EIF3A: variants seen among roughly 807,000 people sequenced by gnomAD.
EIF3A encodes the protein eukaryotic translation initiation factor 3 subunit A.
EIF3A carries 21 observed loss-of-function variants against 186.6 expected under a neutral mutation model. The ratio of observed to expected loss-of-function variants is 0.11; its 90% CI spans 0.08 to 0.16. The LOEUF (loss-of-function observed/expected upper bound fraction) is 0.16, where lower values mean the gene tolerates loss of function less well. Among genes scored for constraint, EIF3A ranks in the 10% least tolerant of loss-of-function variants. EIF3A has a pLI of 1.00. For synonymous variants in EIF3A, 563 were observed against 584.3 expected, an observed-to-expected ratio of 0.96 and a Z score of 0.52; for missense variants, 1,306 against 1,796.3, an observed-to-expected ratio of 0.73 and a Z score of 4.93.
At position 119,056,701 on chromosome 10, in the gene EIF3A, T is replaced by C. The variant is rs1480742545; in HGVS notation, c.2196+39A>G. ...GTTCCATTACTGGCAGAGGATTTTA[T>C]TACAATCTAAAAATATTACAATTAA... On this transcript the variant is annotated intron_variant, in intron 14 of 21. Transcript: ENST00000369144. 3.8e-6 allele frequency: 5 copies of C among 1,324,632 alleles called. 1 individual carries two copies. The South Asian group carries it at 4.9e-5, about 13-fold the overall frequency. The allele number at this position is 1,324,632 out of a possible 1,614,324, so 82.1% of individuals were successfully genotyped here.
intron 4 of EIF3A, among the ~76,000 whole-genome samples, chr10:119,071,495 T>G (rs1844069753): frequency 6.6e-6 from 1 of 152,154 alleles, no homozygotes; most frequent in African/African-American, 2.4e-5. Flanking sequence ...TAATACAAAT[T>G]GAGGGCTTAT....
intron 10 of EIF3A, 25 bp from the exon 11 acceptor site, chr10:119,059,422 T>C: frequency 6.6e-7 from 1 of 1,504,642 alleles, no homozygotes; most frequent in East Asian, 2.3e-5. Flanking sequence ...TTATCAATGG[T>C]TAAATCCACA....
chr10:119,072,788 T>TCACA (rs1844099657), intron 4 of EIF3A, 102 bp downstream of exon 4: 19 of 1,390,830 alleles, frequency 1.4e-5, no homozygotes, highest in Non-Finnish European at 1.7e-5. Flanking sequence ...ATGCCAACAT[T>TCACA]TCAATAAGGA....
chr10:119,072,669 G>A (rs11198754), intron 4 of EIF3A, among the ~76,000 whole-genome samples: 49,242 of 151,992 alleles, frequency 0.32, 8,746 homozygotes, highest in Non-Finnish European at 0.4. Flanking sequence ...TGGCCAGGCC[G>A]CTCTTGAACT....
chr10:119,073,325 T>C, intron 3 of EIF3A, 116 bp downstream of exon 3: 3 of 851,168 alleles, frequency 3.5e-6, no homozygotes, highest in Non-Finnish European at 5.4e-6. Flanking sequence ...ATTTAAAACT[T>C]CAAAGATTTG....
chr10:119,040,268 A>C (rs1323934508), intron 19 of EIF3A, among the ~76,000 whole-genome samples: 1 of 152,196 alleles, frequency 6.6e-6, no homozygotes, highest in African/African-American at 2.4e-5. Flanking sequence ...AGGACCAAGT[A>C]CAAGCAATGG....
chr10:119,071,855 C>G (rs1384334799), intron 4 of EIF3A, among the ~76,000 whole-genome samples: 1 of 151,056 alleles, frequency 6.6e-6, no homozygotes, highest in African/African-American at 2.4e-5. Flanking sequence ...GAAACCCCAT[C>G]TCTACTAAAA....
chr10:119,063,707 T>A (rs555455664), intron 7 of EIF3A, among the ~76,000 whole-genome samples: 1 of 152,192 alleles, frequency 6.6e-6, no homozygotes, highest in Non-Finnish European at 1.5e-5. Flanking sequence ...AACTTCTGCC[T>A]TCAGTTTCAC....
chr10:119,042,422 T>C lies in EIF3A; in HGVS notation c.3098A>G (p.Asp1033Gly). 6.2e-7 allele frequency: 1 copy of C among 1,614,162 alleles called. No homozygotes were observed. The highest frequency in any genetic ancestry group is 2.2e-5 in the East Asian group (1 of 44,880). The change falls in exon 19 of 22, where the codon GAT (aspartate) becomes GGT (glycine). Residue 1033 changes from aspartate (D) to glycine (G), a missense_variant. By Grantham distance (94) the Asp-to-Gly change is moderately conservative (BLOSUM62 -1). Transcript: ENST00000369144. The surrounding 1 kb of genome is among the most constrained non-coding windows in gnomAD (Gnocchi z 7.8). ...CCCACGTCTTGGTCCTCTGTCCTCA[T>C]CAGCTGTTCGCCAGCTTCCTCTGTC... ...DEDRGSWRTA[D>G]EDRGPRRGMD...
At chr10:119,080,063 G>A (rs1033621235) in intron 1 of EIF3A, among the ~76,000 whole-genome samples, 1 of 152,238 alleles carries the variant, frequency 6.6e-6, no homozygotes, top group Non-Finnish European at 1.5e-5. Flanking sequence ...TAAAGCAGCT[G>A]GGTAAAGGGT....
chr10:119,056,281 T>C (rs905969642), intron 14 of EIF3A, among the ~76,000 whole-genome samples: 2 of 152,226 alleles, frequency 1.3e-5, no homozygotes, highest in Non-Finnish European at 2.9e-5. Context: ...ATTCCATTTA[T>C]ATAAAATGTC....
At chr10:119,050,770 G>C (rs1848346052) in intron 15 of EIF3A, 96 bp from the exon 16 acceptor site, 1 of 1,359,556 alleles carries the variant, frequency 7.4e-7, no homozygotes, top group Non-Finnish European at 1.0e-6. Context: ...ACTCTCAAGT[G>C]TATCAGAATC....
chr10:119,038,016 AAG>A (rs773767529), intron 20 of EIF3A, among the ~76,000 whole-genome samples: 15 of 144,300 alleles, frequency 1.0e-4, no homozygotes, highest in Non-Finnish European at 2.1e-4. Context: ...TCCCGGGTTC[AAG>A]CAATTCTCCT....
chr10:119,073,681 A>C (rs1215187340), intron 2 of EIF3A, 66 bp downstream of exon 2: 2 of 1,560,184 alleles, frequency 1.3e-6, no homozygotes, highest in Admixed American at 4.0e-5. Context: ...TCACTTCGAA[A>C]GGTAAGTTCT....
intron 21 of EIF3A, 73 bp from the exon 22 acceptor site, chr10:119,036,341 T>C: frequency 1.1e-6 from 1 of 949,730 alleles, no homozygotes; most frequent in South Asian, 1.6e-5. Context: ...TCAAAATTCC[T>C]GTACTAAAGA....
In EIF3A at chr10:119,060,722, C is replaced by CT. The variant is rs772597614; in HGVS notation, c.1326+23dup. The CT allele has an allele frequency of 3.8e-6, 6 of 1,568,412 alleles. No individual in the cohort carries two copies. The Admixed American group carries it at 9.7e-5, about 25-fold the overall frequency. On this transcript the variant is annotated intron_variant, in intron 9 of 21. Coordinates refer to ENST00000369144, the MANE Select transcript of EIF3A (RefSeq NM_003750.4). ...ATGATGAGCACATAACATCACAAAA[C>CT]TTTTTTTATTTTTTTATTTTTACCT...
chr10:119,055,325 C>G (rs535944336), intron 14 of EIF3A, among the ~76,000 whole-genome samples: 8 of 152,314 alleles, frequency 5.3e-5, no homozygotes, highest in Admixed American at 5.2e-4. Context: ...ACTTAATTTA[C>G]AGATTAAGTT....
intron 1 of EIF3A, among the ~76,000 whole-genome samples, chr10:119,080,076 G>T (rs1226877055): frequency 6.6e-6 from 1 of 152,268 alleles, no homozygotes; most frequent in African/African-American, 2.4e-5. Flanking sequence ...TAAAGGGTAA[G>T]TGGACGCCGA....
At chr10:119,077,508 G>A (rs1391096949) in intron 1 of EIF3A, among the ~76,000 whole-genome samples, 1 of 151,720 alleles carries the variant, frequency 6.6e-6, no homozygotes, top group Non-Finnish European at 1.5e-5. Context: ...ATGACAGTGA[G>A]TCTTCTGCCT....
Sources: allele counts gnomAD v4.1 joint callset (sites outside exome capture counted in the v4.1 genomes callset), GRCh38; gene constraint gnomAD v4.1.1; non-coding constraint Gnocchi (gnomAD v3.1); transcripts MANE v1.5; gene names NCBI Gene and HGNC (gene_info 2026-07-23, HGNC 2026-07-21).